The following GABRG1 variants were observed in gnomAD, a reference collection of about 807,000 sequenced individuals.
The protein encoded by GABRG1 is gamma-aminobutyric acid type A receptor subunit gamma1.
Under a neutral mutation model 49.8 loss-of-function variants are expected in GABRG1, and 49 were observed. The ratio of observed to expected loss-of-function variants is 0.98; its 90% CI spans 0.78 to 1.25. GABRG1 has a LOEUF of 1.25. Among genes scored for constraint, GABRG1 ranks in the 50% most tolerant of loss-of-function variants. The pLI is 0.00. For synonymous variants in GABRG1, 232 were observed against 185.1 expected (o/e 1.25, Z -2.06); for missense variants, 552 against 552.3 (o/e 1.00, Z 0.01).
intron 2 of GABRG1, among the ~76,000 whole-genome samples, chr4:46,090,633 T>C (rs2109427133): frequency 6.6e-6 from 1 of 152,076 alleles, no homozygotes; most frequent in African/African-American, 2.4e-5. Flanking sequence ...GATATCAAAA[T>C]ATCCAACCCA....
chr4:46,117,458 G>T (rs1720933306), intron 1 of GABRG1, among the ~76,000 whole-genome samples: 1 of 149,272 alleles, frequency 6.7e-6, no homozygotes, highest in East Asian at 2.0e-4. Context: ...CCAGAGTAAA[G>T]GTTCACCTAA....
chr4:46,058,462 C>A, intron 6 of GABRG1, 23 bp downstream of exon 6: 1 of 1,608,376 alleles, frequency 6.2e-7, no homozygotes, highest in Non-Finnish European at 8.5e-7. Context: ...AGCATCATTT[C>A]ACTATTTGAG....
intron 2 of GABRG1, among the ~76,000 whole-genome samples, chr4:46,088,249 A>G (rs910819616): frequency 5.3e-5 from 8 of 152,108 alleles, no homozygotes; most frequent in Non-Finnish European, 1.2e-4. Flanking sequence ...CTTGAACTTC[A>G]TAAAACAGTC....
intron 1 of GABRG1, among the ~76,000 whole-genome samples, chr4:46,106,841 A>G (rs940774848): frequency 6.6e-6 from 1 of 151,132 alleles, no homozygotes; most frequent in African/African-American, 2.4e-5. Flanking sequence ...ATCATGAGTG[A>G]GGAAGAATCT....
At chr4:46,083,305 G>A (rs978164326) in intron 3 of GABRG1, among the ~76,000 whole-genome samples, 2 of 151,632 alleles carry the variant, frequency 1.3e-5, no homozygotes, top group Admixed American at 6.6e-5. Context: ...CCTGTAATGG[G>A]TCTCTGTAAC....
chr4:46,045,545 C>T lies in GABRG1; in HGVS notation c.1132-4291G>A, dbSNP rs542600945. On this transcript the variant is annotated intron_variant, in intron 8 of 8. Coordinates refer to ENST00000295452, the MANE Select transcript of GABRG1 (RefSeq NM_173536.4). The stretch of plus-strand genomic sequence containing the variant: ...AAGAGGACAAAACACAGAAAATGTA[C>T]GACTCCTTAAGATTTTTTTTTCACT... Among the ~76,000 whole-genome samples the T allele has an allele frequency of 2.6e-3, 392 of 150,572 alleles. 5 individuals are homozygous for T. Among genetic ancestry groups the T allele is most frequent in the Non-Finnish European group, 2.4e-3 (162 of 67,720 alleles).
intron 1 of GABRG1, among the ~76,000 whole-genome samples, chr4:46,109,148 G>A (rs1720646419): frequency 6.6e-6 from 1 of 150,700 alleles, no homozygotes; most frequent in African/African-American, 2.4e-5. Context: ...ATCTGGCCCA[G>A]GGCTTTTTTT....
chr4:46,107,850 C>G (rs1030278043), intron 1 of GABRG1, among the ~76,000 whole-genome samples: 13 of 151,098 alleles, frequency 8.6e-5, no homozygotes, highest in East Asian at 3.9e-4. Context: ...AGACTATTAT[C>G]AGAATACTAT....
At chr4:46,119,514 G>A (rs562556280) in intron 1 of GABRG1, among the ~76,000 whole-genome samples, 5 of 151,318 alleles carry the variant, frequency 3.3e-5, no homozygotes, top group Non-Finnish European at 7.4e-5. Flanking sequence ...TAACAATATC[G>A]AGGCTATATT....
At chr4:46,048,599 G>A (rs146597536) in intron 8 of GABRG1, among the ~76,000 whole-genome samples, 129 of 148,778 alleles carry the variant, frequency 8.7e-4, no homozygotes, top group Admixed American at 6.3e-3. Context: ...AAGAAGGAAG[G>A]AAGGAAGGAA....
intron 1 of GABRG1, among the ~76,000 whole-genome samples, chr4:46,113,507 CG>C (rs933749688): frequency 6.2e-4 from 94 of 150,774 alleles, no homozygotes; most frequent in African/African-American, 2.1e-3. Context: ...TGAGATTTGG[CG>C]GGGGGGACAT....
At chr4:46,101,548 C>T (rs2221020) in intron 1 of GABRG1, among the ~76,000 whole-genome samples, 89,002 of 151,388 alleles carry the variant, frequency 0.59, 27,231 homozygotes, top group African/African-American at 0.74. Context: ...TGTCCATCTA[C>T]AGAGATAATA....
rs373881056 is a variant in GABRG1, at chr4:46,063,395, G to C, written c.625+1046C>G. Among the ~76,000 whole-genome samples, 938 of 152,072 alleles carry C rather than the reference G, an allele frequency of 6.2e-3. 7 individuals carry two copies. Among genetic ancestry groups the C allele is most frequent in the Non-Finnish European group, 9.2e-3 (625 of 67,980 alleles). On this transcript the variant is annotated intron_variant, in intron 5 of 8. Coordinates refer to ENST00000295452, the MANE Select transcript of GABRG1 (RefSeq NM_173536.4). ...CTACAACTATCTGATCTTTGACAAA[G>C]CTGAGAAAAACAAGCAATGGGGAAA... is the stretch of plus-strand genomic sequence containing the variant.
Position 46,096,797 on chromosome 4 carries a change from A to C in GABRG1, c.253+404T>G, listed in dbSNP as rs549924721. Among the ~76,000 whole-genome samples, 3 of 151,836 alleles carry C rather than the reference A, an allele frequency of 2.0e-5. No homozygotes were observed. The East Asian group carries it at 5.9e-4, about 30-fold the overall frequency. ...GAACAATTTGAGATTATTCAACATTATACTCTAGTCTTACCCAGTGCAATA... is the reference window on the plus strand; with the variant it reads ...GAACAATTTGAGATTATTCAACATTCTACTCTAGTCTTACCCAGTGCAATA... On this transcript the variant is annotated intron_variant, in intron 2 of 8. Coordinates refer to ENST00000295452, the MANE Select transcript of GABRG1 (RefSeq NM_173536.4).
intron 1 of GABRG1, among the ~76,000 whole-genome samples, chr4:46,117,580 CTG>C (rs1316931895): frequency 7.8e-6 from 1 of 128,742 alleles, no homozygotes; most frequent in African/African-American, 3.8e-5. Context: ...CTCTCTCTCT[CTG>C]TCTCTCTTTG....
chr4:46,083,793 T>A (rs1328526124), intron 3 of GABRG1, among the ~76,000 whole-genome samples, 193 bp downstream of exon 3: 1 of 151,640 alleles, frequency 6.6e-6, no homozygotes, highest in African/African-American at 2.4e-5. Flanking sequence ...CACATTGGAA[T>A]AACAAGATAC....
intron 3 of GABRG1, among the ~76,000 whole-genome samples, chr4:46,073,898 T>C (rs35427936): frequency 0.055 from 8,313 of 152,192 alleles, 374 homozygotes; most frequent in African/African-American, 0.11. Context: ...TGTTCACCTA[T>C]TTTTGGATCA....
At position 46,119,583 on chromosome 4, in the gene GABRG1, G is replaced by A. The variant is rs987923754; in HGVS notation, c.104+4227C>T. On this transcript the variant is annotated intron_variant, in intron 1 of 8. Coordinates refer to ENST00000295452, the MANE Select transcript of GABRG1 (RefSeq NM_173536.4). ...GTATAATCTTCTAGGAGGAATACTT[G>A]ACTTCAGATTTGAAGACATTTTCCC... is the stretch of plus-strand genomic sequence containing the variant. Among the ~76,000 whole-genome samples the A allele has an allele frequency of 6.6e-5, 10 of 151,404 alleles. No individual in the cohort carries two copies. In the East Asian group the frequency reaches 1.6e-3, roughly 24 times the overall value.
chr4:46,063,282 C>T (rs1357243844), intron 5 of GABRG1, among the ~76,000 whole-genome samples: 10 of 151,968 alleles, frequency 6.6e-5, no homozygotes, highest in Non-Finnish European at 1.5e-4. Context: ...TACAAGGCTA[C>T]AGTAACCAAA....
Sources: allele counts gnomAD v4.1 joint callset (sites outside exome capture counted in the v4.1 genomes callset), GRCh38; gene constraint gnomAD v4.1.1; transcripts MANE v1.5; gene names NCBI Gene and HGNC (gene_info 2026-07-23, HGNC 2026-07-21).